LINC00237: variants seen among roughly 807,000 people sequenced by gnomAD.
LINC00237 encodes the protein long independently transcribed non-coding RNA 237.
At chr20:21,097,859 T>C (rs891208145) in intron 1 of LINC00237, among the ~76,000 whole-genome samples, 1 of 152,098 alleles carries the variant, frequency 6.6e-6, no homozygotes, top group Admixed American at 6.5e-5. Context: ...CCTTCCAAAC[T>C]CATCAACTTT....
At chr20:21,091,046 C>A (rs975598691) in intron 2 of LINC00237, among the ~76,000 whole-genome samples, 3 of 150,152 alleles carry the variant, frequency 2.0e-5, no homozygotes, top group African/African-American at 7.5e-5. Flanking sequence ...TGTAAATGTG[C>A]GTGTGTGTGT....
intron 3 of LINC00237, among the ~76,000 whole-genome samples, chr20:21,086,652 T>C (rs111212272): frequency 0.058 from 1,767 of 30,330 alleles, 67 homozygotes; most frequent in African/African-American, 0.12. Context: ...TAGTATACTA[T>C]ATATGTATAG....
intron 1 of LINC00237, chr20:21,106,234 C>G (rs1183116497): frequency 6.5e-6 from 1 of 153,146 alleles, no homozygotes. Flanking sequence ...TCCGCCACCC[C>G]CAGTCCCGCC....
chr20:21,093,693 T>A (rs1425737132), exon 2 of LINC00237: 1 of 152,242 alleles, frequency 6.6e-6, no homozygotes, highest in African/African-American at 2.4e-5. Context: ...TACTTTCTGG[T>A]GCCTAGGATA....
chr20:21,098,769 T>C (rs2030891380), intron 1 of LINC00237, among the ~76,000 whole-genome samples: 1 of 152,182 alleles, frequency 6.6e-6, no homozygotes, highest in Admixed American at 6.5e-5. Context: ...GAGATAAAGA[T>C]CCTCCTCGAA....
chr20:21,094,251 T>C (rs1227982533), intron 1 of LINC00237, among the ~76,000 whole-genome samples: 1 of 152,218 alleles, frequency 6.6e-6, no homozygotes, highest in Non-Finnish European at 1.5e-5. Context: ...TGCTGGTCAC[T>C]CTCTCCACCC....
At chr20:21,085,975 G>C (rs1240258050) in intron 3 of LINC00237, among the ~76,000 whole-genome samples, 6 of 152,142 alleles carry the variant, frequency 3.9e-5, no homozygotes, top group Non-Finnish European at 2.9e-5. Flanking sequence ...AGACCCACAG[G>C]GGTGACGTGG....
chr20:21,104,677 A>G (rs1189153192), intron 1 of LINC00237, among the ~76,000 whole-genome samples: 1 of 152,114 alleles, frequency 6.6e-6, no homozygotes, highest in African/African-American at 2.4e-5. Flanking sequence ...GTGTGTTCCA[A>G]ATATCCTGGA....
chr20:21,099,963 A>G (rs944582873), intron 1 of LINC00237, among the ~76,000 whole-genome samples: 1 of 152,190 alleles, frequency 6.6e-6, no homozygotes, highest in Non-Finnish European at 1.5e-5. Flanking sequence ...TCCAGGAATA[A>G]TTGGAGATGT....
At chr20:21,103,995 C>A (rs903986322) in intron 1 of LINC00237, among the ~76,000 whole-genome samples, 27 of 152,102 alleles carry the variant, frequency 1.8e-4, no homozygotes, top group African/African-American at 6.3e-4. Context: ...ATCCCACCCC[C>A]TCCCCACCTC....
chr20:21,091,267 T>A (rs539781632), intron 2 of LINC00237, among the ~76,000 whole-genome samples: 1 of 152,304 alleles, frequency 6.6e-6, no homozygotes, highest in South Asian at 2.1e-4. Context: ...ATGCAGCTTG[T>A]TAGCAGCTCC....
chr20:21,087,338 G>A (rs1432771074), intron 3 of LINC00237, among the ~76,000 whole-genome samples: 4 of 152,008 alleles, frequency 2.6e-5, no homozygotes, highest in African/African-American at 9.7e-5. Context: ...TGGCATGGAT[G>A]TGCCATGGTT....
chr20:21,098,555 C>T (rs1225562321), intron 1 of LINC00237, among the ~76,000 whole-genome samples: 1 of 152,180 alleles, frequency 6.6e-6, no homozygotes, highest in East Asian at 1.9e-4. Flanking sequence ...GAAGGGCTTG[C>T]CTGTATTTAA....
intron 2 of LINC00237, among the ~76,000 whole-genome samples, chr20:21,090,839 G>T (rs528854644): frequency 2.0e-5 from 3 of 152,136 alleles, no homozygotes; most frequent in Non-Finnish European, 4.4e-5. Context: ...TTGTTTACAA[G>T]TGTCTTTATC....
Position 21,094,580 on chromosome 20 carries a change from G to A in LINC00237, n.89-728C>T, listed in dbSNP as rs567028612. Among the ~76,000 whole-genome samples the A allele has an allele frequency of 3.9e-5, 6 of 152,220 alleles. No individual in the cohort carries two copies. The South Asian group carries it at 1.2e-3, about 32-fold the overall frequency. ...GATTTGAATAAGTGGAAAGAGGGGT[G>A]GGTAAGCATGATAGTATCCGAATAT... On this transcript the variant is annotated intron_variant and non_coding_transcript_variant, in intron 1 of 3. Transcript: ENST00000691244.
chr20:21,099,349 G>T (rs889073828), intron 1 of LINC00237, among the ~76,000 whole-genome samples: 1 of 152,104 alleles, frequency 6.6e-6, no homozygotes, highest in African/African-American at 2.4e-5. Flanking sequence ...GCGCACGTGG[G>T]GAGAAAAGTG....
At chr20:21,103,695 G>C (rs1233321916) in intron 1 of LINC00237, among the ~76,000 whole-genome samples, 1 of 152,144 alleles carries the variant, frequency 6.6e-6, no homozygotes, top group Non-Finnish European at 1.5e-5. Flanking sequence ...GTTCGGCAGC[G>C]GGGCGGAGAG....
Position 21,102,538 on chromosome 20 carries a change from GGA to G in LINC00237, n.88+3731_88+3732del, listed in dbSNP as rs1236403894. Reference sequence around the variant, plus strand: ...GTGCAGCGGCGACCCTCTGGGATCTGGAGAGAGAGAATTTAACACGGCCTTCC... The same window carrying G: ...GTGCAGCGGCGACCCTCTGGGATCTGGAGAGAGAATTTAACACGGCCTTCC... On this transcript the variant is annotated intron_variant and non_coding_transcript_variant, in intron 1 of 3. Transcript: ENST00000691244. Among the ~76,000 whole-genome samples the G allele has an allele frequency of 3.3e-5, 5 of 152,288 alleles. No individual in the cohort carries two copies. The South Asian group carries it at 8.3e-4, about 25-fold the overall frequency.
chr20:21,103,350 A>G (rs2030958062), intron 1 of LINC00237, among the ~76,000 whole-genome samples: 1 of 143,780 alleles, frequency 7.0e-6, no homozygotes, highest in South Asian at 2.5e-4. Flanking sequence ...GGGCGGTGGC[A>G]GGGAACTAGA....
Sources: allele counts gnomAD v4.1 joint callset (sites outside exome capture counted in the v4.1 genomes callset), GRCh38; gene constraint gnomAD v4.1.1; transcripts MANE v1.5; gene names NCBI Gene and HGNC (gene_info 2026-07-23, HGNC 2026-07-21).